Variants in ZNF407 observed in about 807,000 individuals in gnomAD.
ZNF407 encodes zinc finger protein 407.
A neutral mutation model predicts 131.2 loss-of-function variants in ZNF407; 17 were observed. The observed-to-expected ratio is 0.13, with a 90% CI of 0.09 to 0.19. The LOEUF (loss-of-function observed/expected upper bound fraction) is 0.19, where lower values mean the gene tolerates loss of function less well. Ranked by LOEUF, ZNF407 falls within the 10% of genes least tolerant of loss-of-function variation. The probability of loss-of-function intolerance (pLI) is 1.00; values close to 1 mark genes in which losing one functional copy is unlikely to be tolerated. For synonymous variants in ZNF407, 1,156 were observed against 1,062.0 expected, an observed-to-expected ratio of 1.09 and a Z score of -1.72; for missense variants, 2,681 against 2,830.6, an observed-to-expected ratio of 0.95 and a Z score of 1.20.
intron 8 of ZNF407, among the ~76,000 whole-genome samples, chr18:74,926,900 C>T (rs1568272574): frequency 6.6e-6 from 1 of 152,214 alleles, no homozygotes; most frequent in Non-Finnish European, 1.5e-5. Flanking sequence ...CTTCCTTTAT[C>T]TGCCTAACAC....
chr18:74,634,864 A>G lies in ZNF407; in HGVS notation c.3845A>G (p.Gln1282Arg), dbSNP rs778511564. 1.4e-5 allele frequency: 23 copies of G among 1,613,738 alleles called. No individual in the cohort carries two copies. The highest frequency in any genetic ancestry group is 1.5e-5 in the Non-Finnish European group (18 of 1,179,744). ...CAGGGAAATCTGGAGAGCGGGGGTCAGAACAGAGTTGCACGTGGGCATGGT... is the reference window on the plus strand; with the variant it reads ...CAGGGAAATCTGGAGAGCGGGGGTCGGAACAGAGTTGCACGTGGGCATGGT... ...REQGNLESGG[Q>R]NRVARGHGLE... is the part of the protein sequence containing the mutation. Residue 1282 changes from glutamine to arginine, a missense_variant, in exon 2 of 9, where the codon CAG becomes CGG. Gln to Arg is a conservative substitution (Grantham distance 43, BLOSUM62 1). This residue lies in a region of ZNF407 where 1,789 missense variants were observed against 1,748.7 expected (regional missense o/e 1.02). Transcript: ENST00000299687.
At chr18:74,627,720 G>A (rs1983847014) in intron 1 of ZNF407, among the ~76,000 whole-genome samples, 1 of 152,080 alleles carries the variant, frequency 6.6e-6, no homozygotes, top group Non-Finnish European at 1.5e-5. Context: ...GTTGGAAAGA[G>A]CTTGTGTACC....
At chr18:74,732,501 C>G (rs1365796862) in intron 3 of ZNF407, among the ~76,000 whole-genome samples, 1 of 152,154 alleles carries the variant, frequency 6.6e-6, no homozygotes, top group East Asian at 1.9e-4. Context: ...GAGAGTTCTT[C>G]CTGTCTCACC....
chr18:74,732,209 A>G (rs992209038), intron 3 of ZNF407, among the ~76,000 whole-genome samples: 5 of 152,158 alleles, frequency 3.3e-5, no homozygotes, highest in Non-Finnish European at 5.9e-5. Context: ...GGAACGTCAG[A>G]CTTTTAAAAA....
At chr18:74,700,338 C>T (rs564033258) in intron 3 of ZNF407, among the ~76,000 whole-genome samples, 4 of 152,282 alleles carry the variant, frequency 2.6e-5, no homozygotes, top group South Asian at 2.1e-4. Flanking sequence ...TTCTACACTG[C>T]CACTTATTTG....
chr18:74,885,327 C>T (rs968685), intron 6 of ZNF407, among the ~76,000 whole-genome samples: 57,245 of 151,856 alleles, frequency 0.38, 12,276 homozygotes, highest in African/African-American at 0.59. Flanking sequence ...ATGGTGGAAA[C>T]GTCAGAACAC....
chr18:75,028,314 C>G (rs1482104569), intron 8 of ZNF407, among the ~76,000 whole-genome samples: 2 of 152,138 alleles, frequency 1.3e-5, no homozygotes, highest in Non-Finnish European at 2.9e-5. Context: ...GTCCTCTCTC[C>G]TTGGGTGGTG....
At chr18:74,786,026 G>A (rs1226960659) in intron 4 of ZNF407, among the ~76,000 whole-genome samples, 1 of 152,190 alleles carries the variant, frequency 6.6e-6, no homozygotes, top group Admixed American at 6.5e-5. Flanking sequence ...AAAGCCATGC[G>A]TTTATAGAAA....
intron 4 of ZNF407, among the ~76,000 whole-genome samples, chr18:74,819,887 T>C (rs1970316968): frequency 6.6e-6 from 1 of 152,210 alleles, no homozygotes. Flanking sequence ...AGTGAGATTG[T>C]AGTGCTGTGA....
chr18:74,706,160 G>A (rs1342030557), intron 3 of ZNF407, among the ~76,000 whole-genome samples: 1 of 152,166 alleles, frequency 6.6e-6, no homozygotes, highest in Non-Finnish European at 1.5e-5. Context: ...GCAAAAATGA[G>A]AATTCTACCG....
chr18:74,789,484 A>G (rs1969784078), intron 4 of ZNF407, among the ~76,000 whole-genome samples: 1 of 152,142 alleles, frequency 6.6e-6, no homozygotes, highest in Non-Finnish European at 1.5e-5. Flanking sequence ...AGAGGAGAAT[A>G]TGGGCATATC....
chr18:74,771,212 T>C (rs1969353113), intron 3 of ZNF407, among the ~76,000 whole-genome samples: 1 of 152,186 alleles, frequency 6.6e-6, no homozygotes, highest in African/African-American at 2.4e-5. Context: ...TATTTTGGCC[T>C]ATCAATGATT....
chr18:74,937,572 T>C (rs1972052659), intron 8 of ZNF407, among the ~76,000 whole-genome samples: 1 of 152,214 alleles, frequency 6.6e-6, no homozygotes, highest in Admixed American at 6.5e-5. Flanking sequence ...AGAACCACTT[T>C]GAGTGATACA....
intron 3 of ZNF407, among the ~76,000 whole-genome samples, chr18:74,772,172 C>T (rs559749989): frequency 6.6e-6 from 1 of 152,258 alleles, no homozygotes; most frequent in South Asian, 2.1e-4. Context: ...CGTCCTCTTT[C>T]AGGGTGATCT....
intron 1 of ZNF407, among the ~76,000 whole-genome samples, chr18:74,599,374 G>A (rs1599116404): frequency 6.6e-6 from 1 of 152,140 alleles, no homozygotes; most frequent in South Asian, 2.1e-4. Flanking sequence ...CAATAGGACA[G>A]TTCCATTGGT....
chr18:74,919,312 G>A (rs1323745225), intron 7 of ZNF407, among the ~76,000 whole-genome samples: 1 of 152,120 alleles, frequency 6.6e-6, no homozygotes, highest in Non-Finnish European at 1.5e-5. Context: ...AATACACATG[G>A]TATAATTGAA....
intron 3 of ZNF407, among the ~76,000 whole-genome samples, chr18:74,740,831 A>AC (rs756012227): frequency 6.6e-6 from 1 of 151,998 alleles, no homozygotes; most frequent in Non-Finnish European, 1.5e-5. Context: ...GTCTAGACGA[A>AC]CCCCCTCCCA....
intron 8 of ZNF407, among the ~76,000 whole-genome samples, chr18:74,930,026 G>C (rs2959161): frequency 5.9e-5 from 9 of 152,324 alleles, no homozygotes; most frequent in South Asian, 2.1e-4. Flanking sequence ...GCATTAATAC[G>C]TTGCCATTTT....
chr18:74,663,653 A>G (rs769160144), intron 3 of ZNF407, among the ~76,000 whole-genome samples: 2 of 152,212 alleles, frequency 1.3e-5, no homozygotes, highest in Admixed American at 6.5e-5. Flanking sequence ...CTGTGTTCAG[A>G]TAATGCCTAA....
Sources: allele counts gnomAD v4.1 joint callset (sites outside exome capture counted in the v4.1 genomes callset), GRCh38; gene constraint gnomAD v4.1.1; regional missense constraint gnomAD v4.1.1; transcripts MANE v1.5; gene names NCBI Gene and HGNC (gene_info 2026-07-23, HGNC 2026-07-21).